Variants in TEAD1 observed in about 807,000 individuals in gnomAD.
TEAD1 encodes the protein TEA domain transcription factor 1.
Under a neutral mutation model 54.9 loss-of-function variants are expected in TEAD1, and 9 were observed. The observed-to-expected ratio is 0.16, with a 90% confidence interval of 0.10 to 0.29. The LOEUF is 0.29. Ranked by LOEUF, TEAD1 falls within the 10% of genes least tolerant of loss-of-function variation. The pLI is 1.00. For missense variants in TEAD1, 387 were observed against 535.9 expected, an observed-to-expected ratio of 0.72 and a Z score of 2.74; for synonymous variants, 200 against 187.8, an observed-to-expected ratio of 1.07 and a Z score of -0.53.
At chr11:12,841,065 G>A (rs1183598863) in intron 3 of TEAD1, among the ~76,000 whole-genome samples, 2 of 152,236 alleles carry the variant, frequency 1.3e-5, no homozygotes, top group Non-Finnish European at 2.9e-5. Flanking sequence ...GTGCATGTGT[G>A]AGTCATGTGG....
chr11:12,925,297 GA>G (rs2134163351), intron 11 of TEAD1, among the ~76,000 whole-genome samples: 1 of 152,308 alleles, frequency 6.6e-6, no homozygotes, highest in South Asian at 2.1e-4. Context: ...AGGAAACTTA[GA>G]ATCATGGTGG....
intron 5 of TEAD1, among the ~76,000 whole-genome samples, chr11:12,865,859 T>C (rs937379081): frequency 6.6e-6 from 1 of 152,244 alleles, no homozygotes; most frequent in African/African-American, 2.4e-5. Flanking sequence ...GGCTTTCCCA[T>C]GTGCCTTTTT....
In TEAD1 at chr11:12,881,937, C is replaced by T. The variant is rs540903463; in HGVS notation, c.554C>T (p.Ala185Val). 95 of 1,614,174 alleles carry T rather than the reference C, an allele frequency of 5.9e-5. 1 individual carries two copies. The South Asian group carries it at 6.0e-4, about 10-fold the overall frequency. Residue 185 changes from alanine (A) to valine (V), a missense_variant, in exon 8 of 13, where the codon GCG becomes GTG. Physicochemically the swap from Ala to Val is moderately conservative, Grantham distance 64. This residue lies in a region of TEAD1 where 180 missense variants were observed against 180.6 expected (regional missense o/e 1.00). Coordinates refer to ENST00000527636, the MANE Select transcript of TEAD1 (RefSeq NM_021961.6). ...CAGCAGGCCTACCCCATCCAGCCAG[C>T]GGTCACAGCCCCCATTCCAGGTGAG... is the stretch of plus-strand genomic sequence containing the variant.
chr11:12,879,819 C>T lies in TEAD1; in HGVS notation c.442C>T (p.Pro148Ser). ...GCTGGGGCTGCCTGGGATTCCACGC[C>T]CGACCTTCCCAGGGGCGCCGGGGGT... Residue 148 changes from proline (P) to serine (S), a missense_variant, in exon 6 of 13, where the codon CCG (proline) becomes TCG (serine). Physicochemically the swap from Pro to Ser is moderately conservative, Grantham distance 74 (BLOSUM62 -1). Around this residue, in one of 5 missense-constraint regions of TEAD1, gnomAD observed 180 missense variants for 180.6 expected, o/e 1.00. Coordinates refer to ENST00000527636, the MANE Select transcript of TEAD1 (RefSeq NM_021961.6). The T allele has an allele frequency of 2.5e-6, 4 of 1,613,904 alleles. No homozygotes were observed. The highest frequency in any genetic ancestry group is 3.4e-6 in the Non-Finnish European group (4 of 1,180,048).
intron 3 of TEAD1, among the ~76,000 whole-genome samples, chr11:12,854,822 C>T (rs1564964721): frequency 6.7e-6 from 1 of 150,362 alleles, no homozygotes; most frequent in Non-Finnish European, 1.5e-5. Flanking sequence ...TCTCAAACTC[C>T]TGGGCTCAAG....
At chr11:12,785,881 T>C (rs1945666835) in intron 3 of TEAD1, among the ~76,000 whole-genome samples, 2 of 152,238 alleles carry the variant, frequency 1.3e-5, no homozygotes, top group Non-Finnish European at 2.9e-5. Context: ...TGTCATAATT[T>C]ACTAACTTAG....
intron 2 of TEAD1, among the ~76,000 whole-genome samples, chr11:12,701,245 G>T (rs1387013719): frequency 3.3e-5 from 5 of 151,830 alleles, no homozygotes; most frequent in Non-Finnish European, 7.4e-5. Context: ...TTAAATAAAG[G>T]CTTCCTCTGG....
At position 12,932,100 on chromosome 11, in the gene TEAD1, G is replaced by A. The variant is rs1038002081; in HGVS notation, c.1167+1774G>A. ...TGTTCCAAGAAGAGAATCTTAATGG[G>A]TTCTCAGATGTGCCCATGTCCTTCT... On this transcript the variant is annotated intron_variant, in intron 12 of 12. Coordinates refer to ENST00000527636, the MANE Select transcript of TEAD1 (RefSeq NM_021961.6). Among the ~76,000 whole-genome samples the A allele has an allele frequency of 2.0e-5, 3 of 152,210 alleles. No individual in the cohort carries two copies. The East Asian group carries it at 5.8e-4, about 29-fold the overall frequency.
chr11:12,850,684 A>G (rs1358089668), intron 3 of TEAD1, among the ~76,000 whole-genome samples: 1 of 152,262 alleles, frequency 6.6e-6, no homozygotes, highest in African/African-American at 2.4e-5. Context: ...GCATTGCATC[A>G]TTAAAGATTC....
At chr11:12,685,144 C>T (rs746838103) in intron 2 of TEAD1, among the ~76,000 whole-genome samples, 1 of 152,170 alleles carries the variant, frequency 6.6e-6, no homozygotes, top group Non-Finnish European at 1.5e-5. Flanking sequence ...GGCCAGGGAC[C>T]ACCTGCATTT....
intron 2 of TEAD1, among the ~76,000 whole-genome samples, chr11:12,695,812 G>T (rs900926740): frequency 6.6e-6 from 1 of 152,162 alleles, no homozygotes; most frequent in South Asian, 2.1e-4. Context: ...GCCCCAGAAG[G>T]CTTGAGTTCT....
intron 3 of TEAD1, among the ~76,000 whole-genome samples, chr11:12,787,824 G>A (rs544580691): frequency 1.3e-5 from 2 of 152,138 alleles, no homozygotes; most frequent in Admixed American, 6.5e-5. Flanking sequence ...ATAAAATCTT[G>A]GCTTGTAAGT....
chr11:12,832,558 C>A (rs1426684103), intron 3 of TEAD1, among the ~76,000 whole-genome samples: 1 of 152,204 alleles, frequency 6.6e-6, no homozygotes, highest in Admixed American at 6.5e-5. Flanking sequence ...CAGCTCAAAA[C>A]TTTCCTATTG....
Position 12,804,982 on chromosome 11 carries a change from C to G in TEAD1, c.202+40548C>G, listed in dbSNP as rs542744563. 2.6e-5 allele frequency among the ~76,000 whole-genome samples: 4 copies of G among 152,258 alleles called. No individual in the cohort carries two copies. In the East Asian group the frequency reaches 7.7e-4, roughly 29 times the overall value. ...ATGGGTGAAGAAGCAGCACATTTGT[C>G]CAGTAGACTCTAGTTATAATCTTAA... is the stretch of plus-strand genomic sequence containing the variant. On this transcript the variant is annotated intron_variant, in intron 3 of 12. Coordinates refer to ENST00000527636, the MANE Select transcript of TEAD1 (RefSeq NM_021961.6).
At chr11:12,870,380 G>GGA (rs2134080263) in intron 5 of TEAD1, among the ~76,000 whole-genome samples, 1 of 152,180 alleles carries the variant, frequency 6.6e-6, no homozygotes, top group South Asian at 2.1e-4. Context: ...AATAATGCGA[G>GGA]GAGACAGTGA....
intron 2 of TEAD1, among the ~76,000 whole-genome samples, chr11:12,713,283 G>A (rs1943982274): frequency 6.6e-6 from 1 of 152,192 alleles, no homozygotes; most frequent in Non-Finnish European, 1.5e-5. Context: ...GCCTCCCAAA[G>A]TGCTGGGATT....
intron 3 of TEAD1, among the ~76,000 whole-genome samples, chr11:12,795,391 G>T (rs966182491): frequency 6.6e-6 from 1 of 152,152 alleles, no homozygotes; most frequent in African/African-American, 2.4e-5. Context: ...TGTACTGAGG[G>T]TTAACACTTC....
chr11:12,853,106 C>T (rs1194208912), intron 3 of TEAD1, among the ~76,000 whole-genome samples: 1 of 152,172 alleles, frequency 6.6e-6, no homozygotes, highest in Non-Finnish European at 1.5e-5. Flanking sequence ...CACTCCATGT[C>T]TAGCACATGT....
chr11:12,799,092 T>C (rs1945998380), intron 3 of TEAD1, among the ~76,000 whole-genome samples: 1 of 152,236 alleles, frequency 6.6e-6, no homozygotes, highest in South Asian at 2.1e-4. Context: ...AAAATCTCAT[T>C]GAAGAGGTGT....
Sources: gnomAD v4.1 joint callset for allele counts (sites outside exome capture counted in the v4.1 genomes callset) on GRCh38, gnomAD v4.1.1 for gene constraint, gnomAD v4.1.1 regional missense constraint, MANE v1.5 for transcripts, NCBI Gene and HGNC (gene_info 2026-07-23, HGNC 2026-07-21) for gene names.